FCHO2: variants seen among roughly 807,000 people sequenced by gnomAD.
FCHO2 encodes the protein FCH and mu domain containing endocytic adaptor 2.
In FCHO2, 43 loss-of-function variants were observed where a neutral mutation model predicts 114.1. The observed-to-expected ratio is 0.38, with a 90% confidence interval of 0.30 to 0.49. The LOEUF is 0.49. FCHO2 is among the 20% of genes least tolerant of loss of function. The pLI is 0.97. For synonymous variants in FCHO2, 293 were observed against 315.2 expected, an observed-to-expected ratio of 0.93 and a Z score of 0.75; for missense variants, 807 against 950.4, an observed-to-expected ratio of 0.85 and a Z score of 1.98.
chr5:73,032,887 T>C (rs1298582079), intron 8 of FCHO2, among the ~76,000 whole-genome samples: 1 of 152,198 alleles, frequency 6.6e-6, no homozygotes, highest in Non-Finnish European at 1.5e-5. Flanking sequence ...TCAAGCTTTA[T>C]TAGTACTTGG....
At chr5:73,063,992 A>T in intron 18 of FCHO2, 48 bp downstream of exon 18, 1 of 1,478,266 alleles carries the variant, frequency 6.8e-7, no homozygotes, top group Non-Finnish European at 9.3e-7. Flanking sequence ...TTGATTTAAG[A>T]TGCAAATGCT....
At chr5:72,975,350 A>G (rs924775523) in intron 2 of FCHO2, among the ~76,000 whole-genome samples, 1 of 152,090 alleles carries the variant, frequency 6.6e-6, no homozygotes, top group Non-Finnish European at 1.5e-5. Flanking sequence ...GATTTGAGAC[A>G]GGGTCTAGCT....
intron 5 of FCHO2, among the ~76,000 whole-genome samples, chr5:72,998,063 T>C (rs1754223117): frequency 6.6e-6 from 1 of 151,996 alleles, no homozygotes; most frequent in African/African-American, 2.4e-5. Context: ...AAAAATGCTA[T>C]TTATATACAG....
At chr5:73,037,572 T>C (rs1487062513) in intron 10 of FCHO2, among the ~76,000 whole-genome samples, 1 of 151,998 alleles carries the variant, frequency 6.6e-6, no homozygotes, top group Non-Finnish European at 1.5e-5. Flanking sequence ...TAAGAGAAAA[T>C]CTCTGGTCAA....
intron 23 of FCHO2, among the ~76,000 whole-genome samples, chr5:73,082,260 C>CTTT (rs11427541): frequency 2.9e-5 from 4 of 140,348 alleles, no homozygotes; most frequent in African/African-American, 7.8e-5. Flanking sequence ...CTCTAAACTT[C>CTTT]TTTTTTTTTT....
At chr5:73,005,039 T>G (rs573097800) in intron 5 of FCHO2, among the ~76,000 whole-genome samples, 1 of 152,254 alleles carries the variant, frequency 6.6e-6, no homozygotes, top group African/African-American at 2.4e-5. Context: ...TCAGTTGAAT[T>G]TCTTCTGGCT....
chr5:73,043,283 G>A (rs545595917), intron 11 of FCHO2, among the ~76,000 whole-genome samples: 6 of 152,006 alleles, frequency 3.9e-5, no homozygotes, highest in Admixed American at 2.6e-4. Context: ...AATTGATACT[G>A]TCTGTCTTGT....
At chr5:73,048,870 CTTTTTT>C (rs764057424) in intron 11 of FCHO2, among the ~76,000 whole-genome samples, 2 of 105,436 alleles carry the variant, frequency 1.9e-5, no homozygotes, top group African/African-American at 3.8e-5. Context: ...AATTTGCTAT[CTTTTTT>C]TTTTTTTTTT....
At chr5:73,022,131 T>C (rs1286143793) in intron 8 of FCHO2, among the ~76,000 whole-genome samples, 1 of 151,772 alleles carries the variant, frequency 6.6e-6, no homozygotes, top group Non-Finnish European at 1.5e-5. Flanking sequence ...GTAGATATGT[T>C]GACATAAATT....
chr5:73,046,256 A>G (rs1757051554), intron 11 of FCHO2, among the ~76,000 whole-genome samples: 1 of 151,994 alleles, frequency 6.6e-6, no homozygotes, highest in Non-Finnish European at 1.5e-5. Flanking sequence ...GAGTAGAGAC[A>G]AGGTCTTGCT....
chr5:73,051,757 G>T (rs1256575978), intron 12 of FCHO2, among the ~76,000 whole-genome samples: 3 of 151,920 alleles, frequency 2.0e-5, no homozygotes, highest in Non-Finnish European at 4.4e-5. Flanking sequence ...GTAGAGACAG[G>T]GTTTCATTAT....
chr5:73,064,041 T>G (rs1351296617), intron 18 of FCHO2, 97 bp downstream of exon 18: 2 of 1,170,760 alleles, frequency 1.7e-6, no homozygotes, highest in African/African-American at 3.1e-5. Context: ...TTGCTTGAAG[T>G]TTTCTACCCA....
At chr5:72,972,702 C>T (rs1342574488) in intron 2 of FCHO2, among the ~76,000 whole-genome samples, 3 of 152,120 alleles carry the variant, frequency 2.0e-5, no homozygotes, top group Admixed American at 2.0e-4. Context: ...TTTCCTTCTC[C>T]TGCCTAATTG....
rs16902499 is a variant in FCHO2 at position 73,002,306 on chromosome 5, A to G, written c.496-4139A>G. On this transcript the variant is annotated intron_variant, in intron 5 of 25. Coordinates refer to ENST00000430046, the MANE Select transcript of FCHO2 (RefSeq NM_138782.3). The stretch of plus-strand genomic sequence containing the variant: ...TACGTGAGTATAGGAAGATGAAATG[A>G]TTCAGGATCTTCCCTCCATGTCTTA... Among the ~76,000 whole-genome samples, 1,423 of 152,320 alleles carry G rather than the reference A, an allele frequency of 9.3e-3. 32 individuals carry two copies. Among genetic ancestry groups the G allele is most frequent in the African/African-American group, 0.033 (1,356 of 41,582 alleles).
Position 73,077,472 on chromosome 5 carries a change from C to A in FCHO2, c.1826C>A (p.Pro609Gln), listed in dbSNP as rs777342826. 1 of 1,601,270 alleles carries A rather than the reference C, an allele frequency of 6.2e-7. No individual in the cohort carries two copies. Among genetic ancestry groups the A allele is most frequent in the South Asian group, 1.1e-5 (1 of 88,460 alleles). Residue 609 changes from proline (P) to glutamine (Q), a missense_variant, in exon 21 of 26, where the codon CCA becomes CAA. By Grantham distance (76) the Pro-to-Gln change is moderately conservative. Coordinates refer to ENST00000430046, the MANE Select transcript of FCHO2 (RefSeq NM_138782.3). Reference protein sequence around the residue: ...KNISRLEQILPNAQLVFSDPS... With the variant: ...KNISRLEQILQNAQLVFSDPS... ...ATCAGCAGACTAGAGCAGATTCTTC[C>A]AAATGCACAGCTTGTGTTCAGGTTT...
chr5:72,979,935 C>T (rs1370346357), intron 2 of FCHO2, among the ~76,000 whole-genome samples: 1 of 152,122 alleles, frequency 6.6e-6, no homozygotes, highest in African/African-American at 2.4e-5. Flanking sequence ...TGTTTCATGT[C>T]TCTATCTCCT....
At chr5:73,026,444 T>C (rs2112773621) in intron 8 of FCHO2, among the ~76,000 whole-genome samples, 1 of 151,940 alleles carries the variant, frequency 6.6e-6, no homozygotes, top group Middle Eastern at 3.4e-3. Context: ...CACTCCAGCC[T>C]GGACGACAAG....
At chr5:73,033,790 C>G (rs1462759150) in intron 8 of FCHO2, among the ~76,000 whole-genome samples, 1 of 152,094 alleles carries the variant, frequency 6.6e-6, no homozygotes, top group Non-Finnish European at 1.5e-5. Flanking sequence ...TTGCTACTTT[C>G]TCACACTGCC....
chr5:72,965,760 C>T (rs1256165369), intron 1 of FCHO2, among the ~76,000 whole-genome samples: 1 of 152,144 alleles, frequency 6.6e-6, no homozygotes, highest in Non-Finnish European at 1.5e-5. Flanking sequence ...TAAAGTGAGA[C>T]TGTATCAAAA....
Sources: allele counts gnomAD v4.1 joint callset (sites outside exome capture counted in the v4.1 genomes callset), GRCh38; gene constraint gnomAD v4.1.1; transcripts MANE v1.5; gene names NCBI Gene and HGNC (gene_info 2026-07-23, HGNC 2026-07-21).